The following MSRA variants were observed in gnomAD, a reference collection of about 807,000 sequenced individuals.
The protein encoded by MSRA is methionine sulfoxide reductase A, also known as mitochondrial peptide methionine sulfoxide reductase.
A neutral mutation model predicts 31.3 loss-of-function variants in MSRA; 54 were observed. The observed-to-expected ratio is 1.73, with a 90% CI of 1.39 to 2.17. MSRA has a LOEUF of 2.17. Ranked by LOEUF, MSRA falls within the 30% of genes most tolerant of loss-of-function variation. MSRA has a pLI of 0.00. For synonymous variants in MSRA, 169 were observed against 116.5 expected (o/e 1.45, Z -2.90); for missense variants, 507 against 300.9 (o/e 1.69, Z -5.07).
intron 4 of MSRA, among the ~76,000 whole-genome samples, chr8:10,305,767 G>T (rs1043335793): frequency 6.6e-6 from 1 of 152,140 alleles, no homozygotes; most frequent in African/African-American, 2.4e-5. Flanking sequence ...AGATTGGAAG[G>T]TGTAGGCTTT....
chr8:10,359,499 C>CT (rs1804711733), intron 5 of MSRA, among the ~76,000 whole-genome samples: 1 of 152,054 alleles, frequency 6.6e-6, no homozygotes, highest in Admixed American at 6.5e-5. Flanking sequence ...TTTGGTCCAT[C>CT]TTTTTGGCAT....
chr8:10,181,775 G>A (rs1012779928), intron 1 of MSRA, among the ~76,000 whole-genome samples: 5 of 152,146 alleles, frequency 3.3e-5, no homozygotes, highest in Non-Finnish European at 5.9e-5. Context: ...AAGCTGGTGG[G>A]ACTTCCTGGG....
intron 1 of MSRA, among the ~76,000 whole-genome samples, chr8:10,154,250 A>G (rs1025878411): frequency 1.3e-5 from 2 of 151,538 alleles, no homozygotes; most frequent in Non-Finnish European, 2.9e-5. Context: ...GCCATCAAAA[A>G]TACTTACAGT....
chr8:10,413,151 C>T (rs1471866951), intron 5 of MSRA, among the ~76,000 whole-genome samples: 1 of 152,168 alleles, frequency 6.6e-6, no homozygotes, highest in African/African-American at 2.4e-5. Context: ...CCTGTGGCTG[C>T]CATGAGGCCC....
intron 1 of MSRA, among the ~76,000 whole-genome samples, chr8:10,086,861 AGAGAGGGAGG>A (rs1381298811): frequency 2.5e-4 from 38 of 150,382 alleles, no homozygotes; most frequent in Non-Finnish European, 1.0e-4. Flanking sequence ...AGAGGAGAGA[AGAGAGGGAGG>A]GAGAGGGAGA....
intron 1 of MSRA, among the ~76,000 whole-genome samples, chr8:10,074,646 C>G (rs186465970): frequency 6.6e-6 from 1 of 152,100 alleles, no homozygotes; most frequent in East Asian, 1.9e-4. Context: ...TAATACACCC[C>G]TTCTTCTTCT....
At chr8:10,360,122 G>C (rs369547968) in intron 5 of MSRA, among the ~76,000 whole-genome samples, 1 of 152,192 alleles carries the variant, frequency 6.6e-6, no homozygotes, top group African/African-American at 2.4e-5. Context: ...AGGCCCTTGC[G>C]TGTGCTGCTG....
chr8:10,354,169 T>C (rs943973685), intron 5 of MSRA, among the ~76,000 whole-genome samples: 26 of 152,256 alleles, frequency 1.7e-4, no homozygotes, highest in African/African-American at 6.0e-4. Context: ...TTTTTGTTTG[T>C]AAGCCCTGAA....
At chr8:10,099,609 C>T (rs1799403209) in intron 1 of MSRA, among the ~76,000 whole-genome samples, 1 of 152,152 alleles carries the variant, frequency 6.6e-6, no homozygotes, top group Non-Finnish European at 1.5e-5. Flanking sequence ...CTTGTTGAGT[C>T]TTATTTGACT....
intron 5 of MSRA, among the ~76,000 whole-genome samples, chr8:10,393,111 T>G (rs917987500): frequency 4.0e-5 from 6 of 151,020 alleles, no homozygotes; most frequent in South Asian, 2.1e-4. Flanking sequence ...CTCTGAGTTA[T>G]GCTGCGAGAA....
intron 4 of MSRA, among the ~76,000 whole-genome samples, chr8:10,312,696 A>G (rs1324516467): frequency 6.6e-6 from 1 of 152,238 alleles, no homozygotes; most frequent in East Asian, 1.9e-4. Flanking sequence ...AAAATAATAC[A>G]TCATGACCAA....
At chr8:10,273,963 G>C (rs377233929) in intron 3 of MSRA, among the ~76,000 whole-genome samples, 3 of 152,232 alleles carry the variant, frequency 2.0e-5, no homozygotes, top group African/African-American at 7.2e-5. Context: ...TAGGAGGTGA[G>C]GATAGGAGAG....
intron 1 of MSRA, among the ~76,000 whole-genome samples, chr8:10,124,404 GT>G (rs758870995): frequency 3.3e-4 from 50 of 152,126 alleles, no homozygotes; most frequent in Non-Finnish European, 7.2e-4. Context: ...AACCAGACCC[GT>G]TTTTCTGTAA....
intron 2 of MSRA, among the ~76,000 whole-genome samples, chr8:10,212,073 G>C (rs528575534): frequency 7.9e-5 from 12 of 152,076 alleles, no homozygotes; most frequent in African/African-American, 2.9e-4. Flanking sequence ...TCTAATCCTA[G>C]CTACTTGGGA....
intron 5 of MSRA, among the ~76,000 whole-genome samples, chr8:10,358,071 C>T (rs1171013792): frequency 6.6e-6 from 1 of 152,134 alleles, no homozygotes; most frequent in East Asian, 1.9e-4. Context: ...TACAGGTGTG[C>T]ACCACCATGC....
chr8:10,297,503 T>A (rs1800609578), intron 3 of MSRA, among the ~76,000 whole-genome samples: 3 of 152,186 alleles, frequency 2.0e-5, no homozygotes, highest in Admixed American at 2.0e-4. Context: ...CACAAGAAAG[T>A]ATTTGCAGAT....
intron 3 of MSRA, among the ~76,000 whole-genome samples, chr8:10,286,097 T>C (rs963499670): frequency 2.0e-5 from 3 of 152,116 alleles, no homozygotes; most frequent in Non-Finnish European, 4.4e-5. Context: ...AGGAATGGTG[T>C]GGCTTATTTA....
intron 1 of MSRA, among the ~76,000 whole-genome samples, chr8:10,065,885 A>G (rs368621692): frequency 1.3e-5 from 2 of 151,574 alleles, no homozygotes; most frequent in Middle Eastern, 3.4e-3. Flanking sequence ...CTAAGAGTCA[A>G]CTCTTCTGCC....
At chr8:10,339,090 G>T (rs1042121744) in intron 5 of MSRA, among the ~76,000 whole-genome samples, 2 of 152,076 alleles carry the variant, frequency 1.3e-5, no homozygotes, top group African/African-American at 4.8e-5. Context: ...AACCTTGACT[G>T]CAGAGATAAG....
Sources: gnomAD v4.1 joint callset for allele counts (sites outside exome capture counted in the v4.1 genomes callset) on GRCh38, gnomAD v4.1.1 for gene constraint, MANE v1.5 for transcripts, NCBI Gene and HGNC (gene_info 2026-07-23, HGNC 2026-07-21) for gene names.